Variants in KCNIP4 observed in about 807,000 individuals in gnomAD.
The protein encoded by KCNIP4 is Kv channel-interacting protein 4.
A neutral mutation model predicts 34.0 loss-of-function variants in KCNIP4; 12 were observed. The ratio of observed to expected loss-of-function variants is 0.35; its 90% CI spans 0.23 to 0.57. KCNIP4 has a LOEUF of 0.57. Among genes scored for constraint, KCNIP4 ranks in the 20% least tolerant of loss-of-function variants. The probability of loss-of-function intolerance (pLI) is 0.83; values close to 1 mark genes in which losing one functional copy is unlikely to be tolerated. For missense variants in KCNIP4, 238 were observed against 311.7 expected, an observed-to-expected ratio of 0.76 and a Z score of 1.78; for synonymous variants, 124 against 102.2, an observed-to-expected ratio of 1.21 and a Z score of -1.29.
At chr4:21,272,465 T>C (rs1216641335) in intron 1 of KCNIP4, among the ~76,000 whole-genome samples, 2 of 152,180 alleles carry the variant, frequency 1.3e-5, no homozygotes, top group Non-Finnish European at 2.9e-5. Context: ...GATAGAGTTA[T>C]TATTATCCCC....
At chr4:21,884,487 C>T (rs576422371) in intron 1 of KCNIP4, among the ~76,000 whole-genome samples, 13 of 152,164 alleles carry the variant, frequency 8.5e-5, no homozygotes, top group Non-Finnish European at 1.2e-4. Context: ...GGATGGAGCT[C>T]ATTATCTTTA....
intron 3 of KCNIP4, among the ~76,000 whole-genome samples, chr4:20,814,186 C>A (rs958941163): frequency 6.6e-6 from 1 of 152,198 alleles, no homozygotes; most frequent in African/African-American, 2.4e-5. Context: ...CCCAGGAGAA[C>A]TGAAACAGAA....
At position 21,405,621 on chromosome 4, in the gene KCNIP4, A is replaced by G. The variant is rs547047836; in HGVS notation, c.62-522912T>C. Among the ~76,000 whole-genome samples the G allele has an allele frequency of 5.3e-5, 8 of 152,336 alleles. No homozygotes were observed. In the East Asian group the frequency reaches 1.4e-3, roughly 26 times the overall value. On this transcript the variant is annotated intron_variant, in intron 1 of 8. Coordinates refer to ENST00000382152, the MANE Select transcript of KCNIP4 (RefSeq NM_025221.6). ...ATGCTTCCTGAGAAGTCAAAGAAATAACATCTTTTAAACACCCAGGATCAT... is the reference window on the plus strand; with the variant it reads ...ATGCTTCCTGAGAAGTCAAAGAAATGACATCTTTTAAACACCCAGGATCAT...
At chr4:20,801,708 G>A (rs1178580633) in intron 3 of KCNIP4, among the ~76,000 whole-genome samples, 1 of 151,938 alleles carries the variant, frequency 6.6e-6, no homozygotes, top group Non-Finnish European at 1.5e-5. Context: ...AAAAAGAAAG[G>A]AATAAAAGCT....
chr4:21,669,012 T>G (rs948129353), intron 1 of KCNIP4, among the ~76,000 whole-genome samples: 1 of 152,174 alleles, frequency 6.6e-6, no homozygotes, highest in African/African-American at 2.4e-5. Flanking sequence ...CTGCTTCTCC[T>G]CCTCCTCAGC....
chr4:21,030,530 G>T (rs1309253134), intron 1 of KCNIP4, among the ~76,000 whole-genome samples: 1 of 152,110 alleles, frequency 6.6e-6, no homozygotes, highest in African/African-American at 2.4e-5. Flanking sequence ...TCATGAAATT[G>T]GTCTCTGGTG....
At chr4:21,867,434 C>A (rs2063656) in intron 1 of KCNIP4, among the ~76,000 whole-genome samples, 48,236 of 152,086 alleles carry the variant, frequency 0.32, 9,619 homozygotes, top group Non-Finnish European at 0.46. Context: ...TTTGCAAATT[C>A]TCTACTACTA....
intron 1 of KCNIP4, among the ~76,000 whole-genome samples, chr4:21,188,456 A>G (rs1755398698): frequency 2.0e-5 from 3 of 152,210 alleles, no homozygotes; most frequent in Non-Finnish European, 4.4e-5. Context: ...GAAAAATGCT[A>G]AAGGTGGTAA....
At chr4:21,024,155 AATTT>A (rs1740328397) in intron 1 of KCNIP4, among the ~76,000 whole-genome samples, 1 of 152,198 alleles carries the variant, frequency 6.6e-6, no homozygotes, top group Non-Finnish European at 1.5e-5. Flanking sequence ...AAATTTAACA[AATTT>A]ATTTTAGTGA....
chr4:21,834,965 C>T (rs981422992), intron 1 of KCNIP4, among the ~76,000 whole-genome samples: 45 of 152,118 alleles, frequency 3.0e-4, no homozygotes, highest in African/African-American at 1.1e-3. Context: ...GGTGGATAAG[C>T]TTTTTGATGT....
chr4:21,798,426 T>TATATATATATATA (rs55661046), intron 1 of KCNIP4, among the ~76,000 whole-genome samples: 29 of 143,242 alleles, frequency 2.0e-4, no homozygotes, highest in South Asian at 6.6e-4. Flanking sequence ...TATATATATA[T>TATATATATATATA]TTGCTGGGTG....
chr4:21,536,541 G>T (rs575557079), intron 1 of KCNIP4, among the ~76,000 whole-genome samples: 8 of 152,244 alleles, frequency 5.3e-5, no homozygotes, highest in Admixed American at 3.9e-4. Flanking sequence ...CACTTTGGGA[G>T]GCCAAGGCAG....
At chr4:20,954,715 T>C in intron 1 of KCNIP4, among the ~76,000 whole-genome samples, 1 of 152,204 alleles carries the variant, frequency 6.6e-6, no homozygotes, top group East Asian at 1.9e-4. Flanking sequence ...TTTATCCTTC[T>C]GGGCCCAGGC....
At chr4:21,101,622 C>T (rs1245956706) in intron 1 of KCNIP4, among the ~76,000 whole-genome samples, 1 of 152,092 alleles carries the variant, frequency 6.6e-6, no homozygotes, top group Non-Finnish European at 1.5e-5. Context: ...TGACTATATG[C>T]ACATGAGATT....
intron 1 of KCNIP4, among the ~76,000 whole-genome samples, chr4:21,629,079 C>T (rs950493611): frequency 6.6e-6 from 1 of 152,166 alleles, no homozygotes; most frequent in African/African-American, 2.4e-5. Context: ...GAAAACTTAG[C>T]AAGCCACGAG....
chr4:21,905,405 T>A (rs1727939215), intron 1 of KCNIP4, among the ~76,000 whole-genome samples: 1 of 152,124 alleles, frequency 6.6e-6, no homozygotes, highest in South Asian at 2.1e-4. Flanking sequence ...TTCTTTTTTT[T>A]TATTCTATTA....
chr4:21,332,323 A>T (rs1715736284), intron 1 of KCNIP4, among the ~76,000 whole-genome samples: 1 of 151,972 alleles, frequency 6.6e-6, no homozygotes, highest in Non-Finnish European at 1.5e-5. Context: ...AGAATGAAAC[A>T]TCCCCAACAA....
intron 1 of KCNIP4, among the ~76,000 whole-genome samples, chr4:21,372,865 A>G (rs1014337593): frequency 6.8e-6 from 1 of 146,228 alleles, no homozygotes; most frequent in African/African-American, 2.8e-5. Flanking sequence ...AGTGAATACA[A>G]GAGTGTTAAT....
intron 3 of KCNIP4, among the ~76,000 whole-genome samples, chr4:20,812,055 T>C (rs1460408052): frequency 6.6e-6 from 1 of 152,186 alleles, no homozygotes; most frequent in Non-Finnish European, 1.5e-5. Flanking sequence ...CAGACTTACA[T>C]AAATGAGCAG....
Sources: gnomAD v4.1 joint callset for allele counts (sites outside exome capture counted in the v4.1 genomes callset) on GRCh38, gnomAD v4.1.1 for gene constraint, MANE v1.5 for transcripts, NCBI Gene and HGNC (gene_info 2026-07-23, HGNC 2026-07-21) for gene names.